Variants in ZCCHC8 observed in about 807,000 individuals in gnomAD.
ZCCHC8 encodes zinc finger CCHC-type containing 8.
In ZCCHC8, 27 loss-of-function variants were observed where a neutral mutation model predicts 70.6. The observed-to-expected ratio is 0.38, with a 90% confidence interval of 0.28 to 0.53. The LOEUF is 0.53. Among genes scored for constraint, ZCCHC8 ranks in the 20% least tolerant of loss-of-function variants. The pLI, the probability that ZCCHC8 is intolerant of heterozygous loss-of-function variation, is 0.81. For missense variants in ZCCHC8, 737 were observed against 876.9 expected (o/e 0.84, Z 2.01); for synonymous variants, 293 against 317.4 (o/e 0.92, Z 0.82).
intron 5 of ZCCHC8, among the ~76,000 whole-genome samples, chr12:122,486,399 C>T (rs1206389189): frequency 9.2e-5 from 10 of 108,830 alleles, no homozygotes; most frequent in African/African-American, 1.5e-4. Context: ...GGTGACAGAG[C>T]GAGAGGCTGT....
rs1271278021 is a variant in ZCCHC8, at chr12:122,500,748, G to C, written c.93C>G (p.Phe31Leu). Reference sequence around the variant, plus strand: ...CCTCCTCGTCGCCGTCGTCGTCCTTGAAGCGAGTGTGAACGGGCTTCGGAA... The same window carrying C: ...CCTCCTCGTCGCCGTCGTCGTCCTTCAAGCGAGTGTGAACGGGCTTCGGAA... ...ESIPKPVHTR[F>L]KDDDGDEEDE... The change falls in exon 1 of 14, where the codon TTC becomes TTG. Residue 31 changes from phenylalanine to leucine, a missense_variant. Transcript: ENST00000633063. This position sits in a 1 kb window ranked among gnomAD's most constrained non-coding sequence, Gnocchi z 4.8. 6.3e-7 allele frequency: 1 copy of C among 1,587,730 alleles called. No homozygotes were observed.
chr12:122,481,871 G>T, intron 9 of ZCCHC8, 74 bp downstream of exon 9: 1 of 1,531,364 alleles, frequency 6.5e-7, no homozygotes, highest in Non-Finnish European at 8.8e-7. Context: ...CTGATAATTA[G>T]CCCAAAGAGA....
rs930147107 is a variant in ZCCHC8, at chr12:122,483,841, T to C, written c.502-278A>G. On this transcript the variant is annotated intron_variant, in intron 5 of 13. Transcript: ENST00000633063. This position sits in a 1 kb window ranked among gnomAD's most constrained non-coding sequence, Gnocchi z 4.4. ...CAAAAAATGAAAACCTTGACTCTCA[T>C]ATTTCCCTCCAATGCCCCATTTCAT... The C allele has an allele frequency of 3.0e-5, 9 of 303,250 alleles. No individual in the cohort carries two copies. The highest frequency in any genetic ancestry group is 2.0e-4 in the African/African-American group (9 of 45,558). The allele number at this position is 303,250 out of a possible 1,614,324, so 18.8% of individuals were successfully genotyped here.
At chr12:122,496,386 T>C (rs1351010183) in intron 2 of ZCCHC8, among the ~76,000 whole-genome samples, 1 of 152,186 alleles carries the variant, frequency 6.6e-6, no homozygotes, top group Non-Finnish European at 1.5e-5. Flanking sequence ...ATACTAATCC[T>C]TTGTGCTTAT....
rs1266342076 is a variant in ZCCHC8, at chr12:122,473,725, G to C, written c.1896C>G (p.Asn632Lys). ...ALLDNGSVVP[N>K]CDISNGGSQK... ...GGCTGCCCCCATTGCTGATGTCACA[G>C]TTTGGTACGACACTGCCATTATCAA... Residue 632 changes from asparagine (N) to lysine (K), a missense_variant, in exon 14 of 14, where the codon AAC becomes AAG. Asn to Lys is a moderately conservative substitution (Grantham distance 94). Transcript: ENST00000633063. 1.2e-6 allele frequency: 2 copies of C among 1,613,858 alleles called. No homozygotes were observed. Among genetic ancestry groups the C allele is most frequent in the Non-Finnish European group, 1.7e-6 (2 of 1,179,898 alleles).
chr12:122,474,946 G>T (rs1957390887), intron 13 of ZCCHC8, among the ~76,000 whole-genome samples: 6 of 152,038 alleles, frequency 3.9e-5, no homozygotes, highest in Admixed American at 3.9e-4. Context: ...TGTTGGCCAG[G>T]CTGGTCTCGA....
chr12:122,473,692 G>C lies in ZCCHC8; in HGVS notation c.1929C>G (p.Leu643=). Residue 643 remains leucine, a synonymous_variant, in exon 14 of 14, where the codon CTC becomes CTG. Transcript: ENST00000633063. ...TTGAAGGACTGGTGTCTGCAGGAAAGAGCTTCTGGCTGCCCCCATTGCTGA... is the reference window on the plus strand; with the variant it reads ...TTGAAGGACTGGTGTCTGCAGGAAACAGCTTCTGGCTGCCCCCATTGCTGA... ...CDISNGGSQK[L]FPADTSPSTA... 6.2e-7 allele frequency: 1 copy of C among 1,614,018 alleles called. No homozygotes were observed.
intron 5 of ZCCHC8, among the ~76,000 whole-genome samples, chr12:122,484,681 AC>A (rs1957601113): frequency 6.6e-6 from 1 of 151,574 alleles, no homozygotes; most frequent in South Asian, 2.1e-4. Context: ...GTGTTGAGCC[AC>A]TGTGCCTGGC....
Position 122,500,149 on chromosome 12 carries a change from C to T in ZCCHC8, c.199+493G>A, listed in dbSNP as rs1593339403. ...AATTAACCAATTATCTCAGCACACC[C>T]GGATTCCTTGAGGCCCCCAACTCTG... On this transcript the variant is annotated intron_variant, in intron 1 of 13. Coordinates refer to ENST00000633063, the MANE Select transcript of ZCCHC8 (RefSeq NM_017612.5). The surrounding 1 kb of genome is among the most constrained non-coding windows in gnomAD (Gnocchi z 4.8). 6.4e-6 allele frequency: 1 copy of T among 156,672 alleles called. No homozygotes were observed. The highest frequency in any genetic ancestry group is 1.4e-5 in the Non-Finnish European group (1 of 70,756). 9.7% of individuals were successfully genotyped at this position (156,672 alleles called of 1,614,324 possible).
Position 122,472,755 on chromosome 12 carries a change from C to G in ZCCHC8, c.*742G>C. On this transcript the variant is annotated 3_prime_UTR_variant, in exon 14 of 14. Transcript: ENST00000633063. The stretch of plus-strand genomic sequence containing the variant: ...AGGAGAATCGCTTAAACTCGGGAGG[C>G]GGAGGTTGCGGTGAGCCGAGATTGT... 1 of 151,814 alleles carries G rather than the reference C, an allele frequency of 6.6e-6. No homozygotes were observed. Among genetic ancestry groups the G allele is most frequent in the Non-Finnish European group, 1.5e-5 (1 of 68,016 alleles). 9.4% of individuals were successfully genotyped at this position (151,814 alleles called of 1,614,324 possible).
intron 10 of ZCCHC8, 42 bp downstream of exon 10, chr12:122,481,480 A>AAG: frequency 6.6e-7 from 1 of 1,511,604 alleles, no homozygotes; most frequent in South Asian, 1.4e-5. Flanking sequence ...AAAAAAAAAA[A>AAG]GGAAACACTT....
intron 1 of ZCCHC8, chr12:122,499,269 C>CTT (rs570830096): frequency 5.1e-3 from 811 of 159,402 alleles, no homozygotes; most frequent in South Asian, 0.017. Flanking sequence ...ATCCTTTCAA[C>CTT]TTTTTTTTTT....
intron 2 of ZCCHC8, among the ~76,000 whole-genome samples, chr12:122,493,298 T>G (rs1957778273): frequency 6.6e-6 from 1 of 152,204 alleles, no homozygotes; most frequent in Non-Finnish European, 1.5e-5. Context: ...TTTTTTAATG[T>G]TTAACAAAAA....
Position 122,481,972 on chromosome 12 carries a change from A to G in ZCCHC8, c.848T>C (p.Phe283Ser), listed in dbSNP as rs780471461. 4 of 1,613,142 alleles carry G rather than the reference A, an allele frequency of 2.5e-6. No individual in the cohort carries two copies. Among genetic ancestry groups the G allele is most frequent in the East Asian group, 2.2e-5 (1 of 44,844 alleles). Residue 283 changes from phenylalanine to serine, a missense_variant, in exon 9 of 14, where the codon TTT becomes TCT. Physicochemically the swap from Phe to Ser is radical, Grantham distance 155 (BLOSUM62 -2). Transcript: ENST00000633063. Reference sequence around the variant, plus strand: ...AATAACTCCTGGCTTGAATCTTCCAAATCTTTCTTCTACTTCTTCTGCGTG... The same window carrying G: ...AATAACTCCTGGCTTGAATCTTCCAGATCTTTCTTCTACTTCTTCTGCGTG... ...RYHAEEVEER[F>S]GRFKPGVISE... is the part of the protein sequence containing the mutation.
intron 10 of ZCCHC8, chr12:122,481,303 A>G: frequency 2.1e-6 from 1 of 479,090 alleles, no homozygotes; most frequent in African/African-American, 2.0e-5. Context: ...TCTGGCCTAG[A>G]CAGTACCTGA....
rs931573096 is a variant in ZCCHC8 at position 122,500,547 on chromosome 12, C to A, written c.199+95G>T. ...CTGGCCCTCCTGGAACTTCCGCCCG[C>A]GCCCTCGCCCTCGCCCGGCGCTGCC... On this transcript the variant is annotated intron_variant, in intron 1 of 13. Transcript: ENST00000633063. This position sits in a 1 kb window ranked among gnomAD's most constrained non-coding sequence, Gnocchi z 4.8. 4 of 1,376,530 alleles carry A rather than the reference C, an allele frequency of 2.9e-6. No homozygotes were observed. The highest frequency in any genetic ancestry group is 3.8e-6 in the Non-Finnish European group (4 of 1,042,518). 85.3% of individuals were successfully genotyped at this position (1,376,530 alleles called of 1,614,324 possible).
chr12:122,498,823 A>C lies in ZCCHC8; in HGVS notation c.242+4T>G. ...ACTATGGAGTAATTTCAAAAATCTC[A>C]TACCTCGGTCGAGTCAGAATGTTCA... On this transcript the variant is annotated splice_donor_region_variant and intron_variant, in intron 2 of 13. Coordinates refer to ENST00000633063, the MANE Select transcript of ZCCHC8 (RefSeq NM_017612.5). 1.2e-6 allele frequency: 2 copies of C among 1,613,218 alleles called. No individual in the cohort carries two copies. Among genetic ancestry groups the C allele is most frequent in the Non-Finnish European group, 1.7e-6 (2 of 1,179,424 alleles).
chr12:122,484,284 G>C (rs1957593729), intron 5 of ZCCHC8: 2 of 152,064 alleles, frequency 1.3e-5, no homozygotes, highest in South Asian at 4.2e-4. Context: ...ATTTTTAGTA[G>C]AGGCAGTCTT....
intron 8 of ZCCHC8, 178 bp from the exon 9 acceptor site, chr12:122,482,265 A>G: frequency 1.8e-6 from 1 of 565,060 alleles, no homozygotes; most frequent in Non-Finnish European, 2.8e-6. Flanking sequence ...GGAGCAGTCT[A>G]TTTATTACCT....
Sources: allele counts gnomAD v4.1 joint callset (sites outside exome capture counted in the v4.1 genomes callset), GRCh38; gene constraint gnomAD v4.1.1; non-coding constraint Gnocchi (gnomAD v3.1); transcripts MANE v1.5; gene names NCBI Gene and HGNC (gene_info 2026-07-23, HGNC 2026-07-21).